KIAA0825: variants seen among roughly 807,000 people sequenced by gnomAD.
The protein encoded by KIAA0825 is uncharacterized protein KIAA0825.
KIAA0825 carries 119 observed loss-of-function variants against 147.6 expected under a neutral mutation model. That is an observed-to-expected ratio of 0.81 (90% CI 0.69 to 0.94). The LOEUF (loss-of-function observed/expected upper bound fraction) is 0.94. KIAA0825 is among the 40% of genes least tolerant of loss of function. The pLI is 0.00. For missense variants in KIAA0825, 1,381 were observed against 1,472.7 expected, an observed-to-expected ratio of 0.94 and a Z score of 1.02; for synonymous variants, 470 against 518.1, an observed-to-expected ratio of 0.91 and a Z score of 1.26.
chr5:94,249,751 T>A (rs1356385000), intron 20 of KIAA0825, among the ~76,000 whole-genome samples: 1 of 151,850 alleles, frequency 6.6e-6, no homozygotes, highest in Non-Finnish European at 1.5e-5. Flanking sequence ...TGTCACTCTA[T>A]GTGACATCAT....
intron 1 of KIAA0825, chr5:94,593,280 A>G (rs1784667261): frequency 1.3e-6 from 1 of 772,682 alleles, no homozygotes; most frequent in Non-Finnish European, 2.4e-6. Flanking sequence ...ATTTTAGTCC[A>G]TTAATGGGAA....
chr5:94,454,469 T>A (rs1758830676), intron 12 of KIAA0825, among the ~76,000 whole-genome samples: 1 of 152,232 alleles, frequency 6.6e-6, no homozygotes, highest in African/African-American at 2.4e-5. Flanking sequence ...TAGACTTTAA[T>A]ATATCATCTC....
intron 20 of KIAA0825, among the ~76,000 whole-genome samples, chr5:94,284,989 G>A (rs2150158534): frequency 6.6e-6 from 1 of 152,206 alleles, no homozygotes; most frequent in South Asian, 2.1e-4. Context: ...TTGTACATAT[G>A]CTTGGTGTTT....
At chr5:94,419,439 T>A (rs1470317501) in intron 14 of KIAA0825, among the ~76,000 whole-genome samples, 1 of 152,142 alleles carries the variant, frequency 6.6e-6, no homozygotes, top group Admixed American at 6.6e-5. Context: ...AAATTCCTTA[T>A]CCTGATTGAG....
chr5:94,562,008 A>G (rs1777641144), intron 2 of KIAA0825, among the ~76,000 whole-genome samples: 1 of 152,188 alleles, frequency 6.6e-6, no homozygotes, highest in African/African-American at 2.4e-5. Context: ...TATGTAAGCC[A>G]TTTTTAAAAA....
intron 2 of KIAA0825, chr5:94,569,566 G>A (rs192296094): frequency 1.2e-3 from 493 of 404,998 alleles, no homozygotes; most frequent in African/African-American, 9.0e-3. Context: ...AAACCAACTC[G>A]TTAATAAAAT....
chr5:94,492,936 T>C (rs1027207535), intron 5 of KIAA0825, among the ~76,000 whole-genome samples: 2 of 152,272 alleles, frequency 1.3e-5, no homozygotes, highest in Non-Finnish European at 2.9e-5. Flanking sequence ...ATTGCATCTT[T>C]ACGGCGTCAG....
In KIAA0825 at chr5:94,464,607, C is replaced by CTAG. The variant is rs1373884429; in HGVS notation, c.2063+259_2063+261dup. Among the ~76,000 whole-genome samples, 3 of 152,138 alleles carry CTAG rather than the reference C, an allele frequency of 2.0e-5. No homozygotes were observed. In the East Asian group the frequency reaches 5.8e-4, roughly 29 times the overall value. On this transcript the variant is annotated intron_variant, in intron 11 of 20. Transcript: ENST00000682413. ...TTATTAACATTTGTGTATCTATATC[C>CTAG]TAGATTATAGGACACCTTGAATCAT...
chr5:94,170,041 A>G (rs1363311131), intron 20 of KIAA0825, among the ~76,000 whole-genome samples: 1 of 152,128 alleles, frequency 6.6e-6, no homozygotes, highest in Non-Finnish European at 1.5e-5. Context: ...TCTATGTTTC[A>G]TATAACAATA....
chr5:94,267,686 C>T (rs1776796264), intron 20 of KIAA0825, among the ~76,000 whole-genome samples: 1 of 152,086 alleles, frequency 6.6e-6, no homozygotes, highest in Non-Finnish European at 1.5e-5. Flanking sequence ...CAAAGTATGC[C>T]AGGTTCTTGA....
rs201590524 is a variant in KIAA0825 at position 94,462,580 on chromosome 5, G to A, written c.2064-11C>T. ...GTTGTGACATCAAGTCTGTTGGAAA[G>A]AAAGAAAAGAAAATCATGTTAAACA... On this transcript the variant is annotated splice_polypyrimidine_tract_variant and intron_variant, in intron 11 of 20. Coordinates refer to ENST00000682413, the MANE Select transcript of KIAA0825 (RefSeq NM_001145678.3). 6.9e-6 allele frequency: 10 copies of A among 1,452,206 alleles called. No individual in the cohort carries two copies. The South Asian group carries it at 8.7e-5, about 13-fold the overall frequency. 90.0% of individuals were successfully genotyped at this position (1,452,206 alleles called of 1,614,324 possible). A position where few individuals can be genotyped will look rare whatever the true frequency, so the allele number is the denominator to read the frequency against.
At chr5:94,284,881 A>C (rs1377612612) in intron 20 of KIAA0825, among the ~76,000 whole-genome samples, 4 of 152,178 alleles carry the variant, frequency 2.6e-5, no homozygotes, top group Admixed American at 1.3e-4. Context: ...TCACTTTACT[A>C]CATGTATCGT....
At chr5:94,544,579 C>A (rs970598371) in intron 2 of KIAA0825, among the ~76,000 whole-genome samples, 1 of 152,148 alleles carries the variant, frequency 6.6e-6, no homozygotes, top group Non-Finnish European at 1.5e-5. Flanking sequence ...CCAGAAATAT[C>A]CCAATGGCAC....
intron 5 of KIAA0825, among the ~76,000 whole-genome samples, chr5:94,504,024 A>G (rs201121380): frequency 1.3e-5 from 2 of 152,196 alleles, no homozygotes; most frequent in East Asian, 3.8e-4. Flanking sequence ...GGGACCTAAG[A>G]GAGAAAGGGG....
At chr5:94,228,850 G>A (rs1026807257) in intron 20 of KIAA0825, among the ~76,000 whole-genome samples, 1 of 152,120 alleles carries the variant, frequency 6.6e-6, no homozygotes, top group Non-Finnish European at 1.5e-5. Context: ...CTGTGTCATG[G>A]CACAGATTGA....
intron 20 of KIAA0825, among the ~76,000 whole-genome samples, chr5:94,209,782 T>A (rs1293247557): frequency 6.6e-6 from 1 of 152,220 alleles, no homozygotes; most frequent in Admixed American, 6.5e-5. Flanking sequence ...CTCTGCATTT[T>A]GACAGCTCAA....
At chr5:94,443,051 T>A (rs1757285897) in intron 13 of KIAA0825, among the ~76,000 whole-genome samples, 1 of 152,130 alleles carries the variant, frequency 6.6e-6, no homozygotes, top group Non-Finnish European at 1.5e-5. Context: ...GAATACCTGG[T>A]TATAAATAAA....
At chr5:94,584,593 G>T (rs1561353847) in intron 1 of KIAA0825, among the ~76,000 whole-genome samples, 1 of 151,984 alleles carries the variant, frequency 6.6e-6, no homozygotes, top group Non-Finnish European at 1.5e-5. Flanking sequence ...TGGGGAGAAT[G>T]GAACCAAGTT....
At chr5:94,564,968 T>C (rs1250182076) in intron 2 of KIAA0825, among the ~76,000 whole-genome samples, 2 of 142,500 alleles carry the variant, frequency 1.4e-5, no homozygotes, top group African/African-American at 5.4e-5. Flanking sequence ...TTTTCTTTTC[T>C]TTTTCTTCTC....
Sources: gnomAD v4.1 joint callset for allele counts (sites outside exome capture counted in the v4.1 genomes callset) on GRCh38, gnomAD v4.1.1 for gene constraint, MANE v1.5 for transcripts, NCBI Gene and HGNC (gene_info 2026-07-23, HGNC 2026-07-21) for gene names.